Variants in IL1RAPL2 observed in about 807,000 individuals in gnomAD.
IL1RAPL2 encodes X-linked interleukin-1 receptor accessory protein-like 2.
Under a neutral mutation model 44.1 loss-of-function variants are expected in IL1RAPL2, and 3 were observed. That is an observed-to-expected ratio of 0.07 (90% CI 0.03 to 0.18). IL1RAPL2 has a LOEUF of 0.18. Among genes scored for constraint, IL1RAPL2 ranks in the 10% least tolerant of loss-of-function variants. The pLI is 1.00. For missense variants in IL1RAPL2, 391 were observed against 496.4 expected, an observed-to-expected ratio of 0.79 and a Z score of 2.02; for synonymous variants, 181 against 178.8, an observed-to-expected ratio of 1.01 and a Z score of -0.10.
At chrX:105,617,691 A>T (rs2147829725) in intron 6 of IL1RAPL2, among the ~76,000 whole-genome samples, 1 of 111,799 alleles carries the variant, frequency 8.9e-6, no homozygotes, top group Non-Finnish European at 1.9e-5. Flanking sequence ...CCACCCTCTC[A>T]AATCAGTTGG....
At chrX:105,722,103 A>G (rs780694010) in intron 7 of IL1RAPL2, among the ~76,000 whole-genome samples, 1 of 111,747 alleles carries the variant, frequency 8.9e-6, no homozygotes, top group African/African-American at 3.2e-5. Flanking sequence ...CCTACTACAC[A>G]CCTAATCTAT....
At chrX:105,100,777 A>G (rs939532952) in intron 2 of IL1RAPL2, among the ~76,000 whole-genome samples, 15 of 112,038 alleles carry the variant, frequency 1.3e-4, no homozygotes, top group African/African-American at 3.6e-4. Flanking sequence ...GAGAACATCT[A>G]TAAGTGAACA....
At chrX:105,524,155 G>T (rs886216023) in intron 6 of IL1RAPL2, among the ~76,000 whole-genome samples, 22 of 111,513 alleles carry the variant, frequency 2.0e-4, no homozygotes, top group African/African-American at 5.8e-4. Context: ...GGAGATATAG[G>T]TAGGCAGGTG....
intron 2 of IL1RAPL2, among the ~76,000 whole-genome samples, chrX:104,742,093 A>C (rs148715345): frequency 0.015 from 1,680 of 111,720 alleles, 37 homozygotes; most frequent in African/African-American, 0.052. Context: ...CCGTTTTGTC[A>C]TTAAAAACTG....
chrX:104,793,878 G>T (rs1038304003), intron 2 of IL1RAPL2, among the ~76,000 whole-genome samples: 1 of 111,274 alleles, frequency 9.0e-6, no homozygotes, highest in East Asian at 2.8e-4. Context: ...TTACAGTTTG[G>T]TGTTCTTGGC....
chrX:104,636,831 G>A (rs1237164946), intron 1 of IL1RAPL2, among the ~76,000 whole-genome samples: 1 of 112,000 alleles, frequency 8.9e-6, no homozygotes, highest in African/African-American at 3.2e-5. Flanking sequence ...CTCATGCTCA[G>A]TGTGCTGCAC....
At chrX:105,066,018 A>G (rs1459043026) in intron 2 of IL1RAPL2, among the ~76,000 whole-genome samples, 2 of 111,616 alleles carry the variant, frequency 1.8e-5, no homozygotes, top group Non-Finnish European at 3.8e-5. Flanking sequence ...TAAGCTGAAC[A>G]CTGCAAGTTA....
At chrX:104,660,475 C>T (rs1344503975) in intron 2 of IL1RAPL2, among the ~76,000 whole-genome samples, 1 of 106,908 alleles carries the variant, frequency 9.4e-6, no homozygotes. Flanking sequence ...AAATAAGTTG[C>T]TGTCAATGTA....
chrX:105,234,163 T>G (rs2034098664), intron 4 of IL1RAPL2, among the ~76,000 whole-genome samples, 159 bp downstream of exon 4: 1 of 112,250 alleles, frequency 8.9e-6, no homozygotes, highest in South Asian at 3.7e-4. Flanking sequence ...GACTCTTATG[T>G]ATCACTGGTT....
intron 2 of IL1RAPL2, among the ~76,000 whole-genome samples, chrX:104,964,493 A>C (rs1227908220): frequency 9.2e-6 from 1 of 108,392 alleles, no homozygotes; most frequent in African/African-American, 3.4e-5. Flanking sequence ...TTGTATTTTT[A>C]GTAGAGACGG....
intron 6 of IL1RAPL2, among the ~76,000 whole-genome samples, chrX:105,627,046 G>A (rs1431154922): frequency 9.0e-6 from 1 of 111,593 alleles, no homozygotes; most frequent in African/African-American, 3.3e-5. Flanking sequence ...ATTTATTATT[G>A]TCTGTAATGG....
intron 2 of IL1RAPL2, among the ~76,000 whole-genome samples, chrX:104,890,651 T>G (rs1020676985): frequency 2.7e-5 from 3 of 112,343 alleles, no homozygotes; most frequent in African/African-American, 9.7e-5. Flanking sequence ...GATTGTCTGT[T>G]TTTTTCTTGT....
At chrX:104,686,376 A>G (rs1930987957) in intron 2 of IL1RAPL2, among the ~76,000 whole-genome samples, 1 of 112,362 alleles carries the variant, frequency 8.9e-6, no homozygotes, top group African/African-American at 3.2e-5. Flanking sequence ...CACGCTTGGT[A>G]AGTAGCGCAT....
At chrX:105,134,576 G>T (rs1569389479) in intron 2 of IL1RAPL2, among the ~76,000 whole-genome samples, 1 of 111,333 alleles carries the variant, frequency 9.0e-6, no homozygotes, top group East Asian at 2.8e-4. Flanking sequence ...TTTAGTTCAG[G>T]TACTTAATAC....
chrX:105,116,133 C>T (rs1477519820), intron 2 of IL1RAPL2, among the ~76,000 whole-genome samples: 12 of 112,332 alleles, frequency 1.1e-4, no homozygotes, highest in South Asian at 3.7e-4. Flanking sequence ...CTCTGGCCTC[C>T]GCCATCCCAG....
intron 2 of IL1RAPL2, among the ~76,000 whole-genome samples, chrX:105,046,900 T>G (rs1288897103): frequency 9.5e-6 from 1 of 105,645 alleles, no homozygotes; most frequent in Non-Finnish European, 1.9e-5. Context: ...TTTCTCTATC[T>G]CCCTTGTTCT....
At chrX:104,754,749 A>C (rs1219468121) in intron 2 of IL1RAPL2, among the ~76,000 whole-genome samples, 1 of 112,288 alleles carries the variant, frequency 8.9e-6, no homozygotes, top group African/African-American at 3.2e-5. Context: ...GTTTTTAATA[A>C]AATACTCGTG....
intron 6 of IL1RAPL2, among the ~76,000 whole-genome samples, chrX:105,491,716 C>A (rs1467184465): frequency 1.8e-5 from 2 of 111,832 alleles, no homozygotes; most frequent in African/African-American, 3.3e-5. Flanking sequence ...TTCTATTGCC[C>A]AGATCATATA....
At chrX:104,916,624 A>G (rs1185211614) in intron 2 of IL1RAPL2, among the ~76,000 whole-genome samples, 4 of 111,562 alleles carry the variant, frequency 3.6e-5, no homozygotes, top group Non-Finnish European at 7.5e-5. Flanking sequence ...GAGTGGTGAG[A>G]GAGGGCATCC....
Sources: allele counts gnomAD v4.1 joint callset (sites outside exome capture counted in the v4.1 genomes callset), GRCh38; gene constraint gnomAD v4.1.1; transcripts MANE v1.5; gene names NCBI Gene and HGNC (gene_info 2026-07-23, HGNC 2026-07-21).